DMD: variants seen among roughly 807,000 people sequenced by gnomAD.
DMD encodes the protein dystrophin, also known as mutant dystrophin.
In DMD, 63 loss-of-function variants were observed where a neutral mutation model predicts 330.1. The ratio of observed to expected loss-of-function variants is 0.19; its 90% confidence interval spans 0.16 to 0.24. DMD has a LOEUF of 0.24. Ranked by LOEUF, DMD falls within the 10% of genes least tolerant of loss-of-function variation. DMD has a pLI of 1.00. For missense variants in DMD, 3,344 were observed against 2,684.1 expected, an observed-to-expected ratio of 1.25 and a Z score of -5.43; for synonymous variants, 1,223 against 959.8, an observed-to-expected ratio of 1.27 and a Z score of -5.07.
At chrX:32,901,427 C>A (rs1329917827) in intron 2 of DMD, among the ~76,000 whole-genome samples, 4 of 109,063 alleles carry the variant, frequency 3.7e-5, no homozygotes, top group Non-Finnish European at 7.5e-5. Flanking sequence ...TACAGTCAGC[C>A]AAGCAATTTG....
intron 7 of DMD, among the ~76,000 whole-genome samples, chrX:32,722,577 C>T (rs1340969282): frequency 9.0e-6 from 1 of 110,686 alleles, no homozygotes; most frequent in Non-Finnish European, 1.9e-5. Context: ...ATTACTTCTT[C>T]CAGTCTACAA....
rs910045310 is a variant in DMD at position 32,441,237 on chromosome X, T to G, written c.3864A>C (p.Lys1288Asn). 2 of 1,207,522 alleles carry G rather than the reference T, an allele frequency of 1.7e-6. No homozygotes were observed. The highest frequency in any genetic ancestry group is 1.8e-5 in the African/African-American group (1 of 57,126). ...CAGGAATGTTTTCAGTGGTTTTAAG[T>G]TTAAATTCTACTTCATTTAGCCACT... ...ANKWLNEVEF[K>N]LKTTENIPGG... Residue 1288 changes from lysine to asparagine, a missense_variant, in exon 28 of 79, where the codon AAA (lysine) becomes AAC (asparagine). Transcript: ENST00000357033.
intron 60 of DMD, among the ~76,000 whole-genome samples, chrX:31,426,598 C>T (rs1402661501): frequency 8.9e-6 from 1 of 112,195 alleles, no homozygotes; most frequent in East Asian, 2.8e-4. Context: ...CCCGAACTCC[C>T]CACTTCAGCT....
At chrX:32,855,871 A>G (rs1247571002) in intron 2 of DMD, among the ~76,000 whole-genome samples, 2 of 112,057 alleles carry the variant, frequency 1.8e-5, no homozygotes, top group Non-Finnish European at 3.8e-5. Context: ...AACAAAGTGA[A>G]GACACAACAC....
intron 1 of DMD, among the ~76,000 whole-genome samples, chrX:33,204,150 C>G (rs780685072): frequency 4.6e-4 from 51 of 111,955 alleles, no homozygotes; most frequent in African/African-American, 1.6e-3. Context: ...GAGTGATAGT[C>G]TTAAAAAATA....
intron 11 of DMD, among the ~76,000 whole-genome samples, chrX:32,642,020 A>C (rs59440959): frequency 0.028 from 3,096 of 109,715 alleles, 114 homozygotes; most frequent in African/African-American, 0.099. Flanking sequence ...TTTAAAAATA[A>C]TGACAATACC....
At chrX:32,657,079 T>A (rs1390632002) in intron 9 of DMD, among the ~76,000 whole-genome samples, 1 of 110,571 alleles carries the variant, frequency 9.0e-6, no homozygotes, top group African/African-American at 3.3e-5. Flanking sequence ...CATTTATATC[T>A]TTGGGTATAC....
At chrX:31,365,261 G>A (rs890452532) in intron 60 of DMD, among the ~76,000 whole-genome samples, 1 of 110,815 alleles carries the variant, frequency 9.0e-6, no homozygotes, top group Non-Finnish European at 1.9e-5. Flanking sequence ...GAACGTTTAC[G>A]TGAGTATGCT....
intron 16 of DMD, among the ~76,000 whole-genome samples, chrX:32,563,691 A>T (rs2051338192): frequency 8.9e-6 from 1 of 111,842 alleles, no homozygotes; most frequent in Admixed American, 9.5e-5. Context: ...GGAATAATCA[A>T]ATCAGTAATA....
At chrX:31,889,620 G>GTCTCTCTCTC (rs34605571) in intron 47 of DMD, among the ~76,000 whole-genome samples, 6 of 80,544 alleles carry the variant, frequency 7.4e-5, no homozygotes, top group Non-Finnish European at 9.7e-5. Flanking sequence ...CTCTCTCTCT[G>GTCTCTCTCTC]TCTCTCTCTC....
chrX:32,480,849 T>C (rs1040963297), intron 21 of DMD, among the ~76,000 whole-genome samples: 1 of 110,874 alleles, frequency 9.0e-6, no homozygotes, highest in African/African-American at 3.3e-5. Context: ...AATAACACAA[T>C]TTTTAAAAGG....
intron 1 of DMD, among the ~76,000 whole-genome samples, chrX:33,288,718 C>T (rs1262411397): frequency 1.8e-5 from 2 of 111,931 alleles, no homozygotes; most frequent in African/African-American, 6.5e-5. Flanking sequence ...CATGTTATTT[C>T]TCTGTACTGA....
chrX:33,153,919 A>G (rs2048386089), intron 1 of DMD, among the ~76,000 whole-genome samples: 1 of 112,527 alleles, frequency 8.9e-6, no homozygotes, highest in African/African-American at 3.2e-5. Context: ...TCTAATTGAT[A>G]TAAAGAAAAG....
In DMD at chrX:31,215,326, C is replaced by G. The variant is rs1164148114; in HGVS notation, c.9362-5627G>C. On this transcript the variant is annotated intron_variant, in intron 64 of 78. Coordinates refer to ENST00000357033, the MANE Select transcript of DMD (RefSeq NM_004006.3). The stretch of plus-strand genomic sequence containing the variant: ...TTAAAATAAGAGAATAATATGCTCC[C>G]TTGGCTTAGACTCAGATGCCTCTTG... Among the ~76,000 whole-genome samples the G allele has an allele frequency of 2.7e-5, 3 of 109,210 alleles. No individual in the cohort carries two copies. The East Asian group carries it at 8.6e-4, about 31-fold the overall frequency. 94.8% of individuals were successfully genotyped at this position (109,210 alleles called of 115,157 possible).
chrX:32,354,798 G>A (rs1157252752), intron 37 of DMD, among the ~76,000 whole-genome samples: 2 of 111,155 alleles, frequency 1.8e-5, no homozygotes, highest in Non-Finnish European at 3.8e-5. Flanking sequence ...TTGTATGGAT[G>A]AGGTTAATTT....
intron 13 of DMD, among the ~76,000 whole-genome samples, chrX:32,591,516 T>A (rs912734379): frequency 4.5e-5 from 5 of 111,998 alleles, no homozygotes; most frequent in African/African-American, 6.5e-5. Flanking sequence ...TTCATGCAAG[T>A]TTTTATAAAC....
intron 41 of DMD, among the ~76,000 whole-genome samples, chrX:32,316,802 T>C (rs2097584042): frequency 9.0e-6 from 1 of 111,184 alleles, no homozygotes; most frequent in South Asian, 3.7e-4. Context: ...TTTGGAGATC[T>C]AGTTTGCTAT....
intron 74 of DMD, among the ~76,000 whole-genome samples, chrX:31,161,168 G>A (rs1468547686): frequency 9.0e-6 from 1 of 111,007 alleles, no homozygotes; most frequent in Non-Finnish European, 1.9e-5. Context: ...GTAGAGCCAG[G>A]AAAACAATGA....
Position 31,782,556 on chromosome X carries a change from G to A in DMD, c.7310-8364C>T, listed in dbSNP as rs148405610. ...CTGAGTCTAGCAAAAGAATCGCCTC[G>A]ATGAACCAAGCCCCAAGCAGAATCA... On this transcript the variant is annotated intron_variant, in intron 50 of 78. Transcript: ENST00000357033. 6.2e-3 allele frequency among the ~76,000 whole-genome samples: 682 copies of A among 109,184 alleles called. 4 individuals carry two copies. The highest frequency in any genetic ancestry group is 0.017 in the South Asian group (42 of 2,479). The allele number at this position is 109,184 out of a possible 115,157, so 94.8% of individuals were successfully genotyped here. A position where few individuals can be genotyped will look rare whatever the true frequency, so the allele number is the denominator to read the frequency against.
Sources: allele counts gnomAD v4.1 joint callset (sites outside exome capture counted in the v4.1 genomes callset), GRCh38; gene constraint gnomAD v4.1.1; transcripts MANE v1.5; gene names NCBI Gene and HGNC (gene_info 2026-07-23, HGNC 2026-07-21).